The following SCAPER variants were observed in gnomAD, a reference collection of about 807,000 sequenced individuals.
The protein encoded by SCAPER is S-phase cyclin A associated protein in the ER.
In SCAPER, 98 loss-of-function variants were observed where a neutral mutation model predicts 182.2. The observed-to-expected ratio is 0.54, with a 90% CI of 0.46 to 0.64. The LOEUF (loss-of-function observed/expected upper bound fraction) is 0.64. Among genes scored for constraint, SCAPER ranks in the 30% least tolerant of loss-of-function variants. The pLI, the probability that SCAPER is intolerant of heterozygous loss-of-function variation, is 0.00. For synonymous variants in SCAPER, 605 were observed against 564.6 expected (o/e 1.07, Z -1.01); for missense variants, 1,432 against 1,690.0 (o/e 0.85, Z 2.68).
intron 23 of SCAPER, among the ~76,000 whole-genome samples, chr15:76,565,585 T>A (rs2046979089): frequency 1.3e-5 from 2 of 152,158 alleles, no homozygotes; most frequent in Middle Eastern, 6.3e-3. Flanking sequence ...TTTGATGACG[T>A]CTGACTACTG....
intron 23 of SCAPER, among the ~76,000 whole-genome samples, chr15:76,554,431 T>C (rs1242608205): frequency 6.6e-6 from 1 of 152,138 alleles, no homozygotes. Context: ...CCATGAAAAT[T>C]TCCCCAAACT....
intron 20 of SCAPER, among the ~76,000 whole-genome samples, chr15:76,670,569 T>C (rs907503722): frequency 6.6e-6 from 1 of 152,204 alleles, no homozygotes; most frequent in African/African-American, 2.4e-5. Flanking sequence ...CCACAGATTA[T>C]ACATATTTTT....
At position 76,594,165 on chromosome 15, in the gene SCAPER, A is replaced by G. The variant is rs1157979538; in HGVS notation, c.2712-19881T>C. Among the ~76,000 whole-genome samples, 2 of 119,582 alleles carry G rather than the reference A, an allele frequency of 1.7e-5. 1 individual carries two copies. The highest frequency in any genetic ancestry group is 4.0e-5 in the Non-Finnish European group (2 of 49,682). 78.5% of individuals were successfully genotyped at this position (119,582 alleles called of 152,430 possible). A position where few individuals can be genotyped will look rare whatever the true frequency, so the allele number is the denominator to read the frequency against. ...ATGGAGCTGAAAAACACAACACGAG[A>G]ACTTCGTGAAGCATACACAAGGATC... On this transcript the variant is annotated intron_variant, in intron 22 of 31. Coordinates refer to ENST00000563290, the MANE Select transcript of SCAPER (RefSeq NM_020843.4).
chr15:76,877,652 G>A lies in SCAPER; in HGVS notation c.6+6160C>T, dbSNP rs1005059232. ...ATATTCTGCCTAAAATGCAAAACCTGAATCTAATCATGATGAAACATCACC... is the reference window on the plus strand; with the variant it reads ...ATATTCTGCCTAAAATGCAAAACCTAAATCTAATCATGATGAAACATCACC... On this transcript the variant is annotated intron_variant, in intron 2 of 31. Transcript: ENST00000563290. Among the ~76,000 whole-genome samples the A allele has an allele frequency of 4.6e-4, 70 of 152,116 alleles. 2 individuals are homozygous for A. The highest frequency in any genetic ancestry group is 3.2e-3 in the Middle Eastern group (1 of 316).
chr15:76,802,418 A>T (rs1419723191), intron 6 of SCAPER, among the ~76,000 whole-genome samples: 1 of 152,220 alleles, frequency 6.6e-6, no homozygotes, highest in Non-Finnish European at 1.5e-5. Flanking sequence ...GGTTCAACCC[A>T]GTGAAAGAAT....
At position 76,733,359 on chromosome 15, in the gene SCAPER, G is replaced by A; in HGVS notation, c.1892C>T (p.Thr631Ile). The part of the protein sequence containing the change: ...AKVNEIAFIN[T>I]LEAQNKRHDV... Reference sequence around the variant, plus strand: ...ATGACGTTTATTCTGGGCTTCAAGGGTATTTATAAAGGCAATTTCATTTAC... The same window carrying A: ...ATGACGTTTATTCTGGGCTTCAAGGATATTTATAAAGGCAATTTCATTTAC... The change falls in exon 16 of 32, where the codon ACC (threonine) becomes ATC (isoleucine). Residue 631 changes from threonine (T) to isoleucine (I), a missense_variant. Thr to Ile is a moderately conservative substitution (Grantham distance 89). Transcript: ENST00000563290. 1 of 1,613,246 alleles carries A rather than the reference G, an allele frequency of 6.2e-7. No homozygotes were observed. Among genetic ancestry groups the A allele is most frequent in the Non-Finnish European group, 8.5e-7 (1 of 1,179,660 alleles).
intron 23 of SCAPER, among the ~76,000 whole-genome samples, chr15:76,517,155 G>C (rs598011): frequency 0.97 from 147,656 of 152,038 alleles, 71,830 homozygotes; most frequent in South Asian, 1. Flanking sequence ...TGACTTTTGG[G>C]ACCCTTATCT....
chr15:76,521,622 G>A (rs549053778), intron 23 of SCAPER, among the ~76,000 whole-genome samples: 169 of 152,066 alleles, frequency 1.1e-3, no homozygotes, highest in Non-Finnish European at 2.2e-3. Context: ...TATATAAAGC[G>A]TATACAAAGC....
chr15:76,645,704 A>G (rs1235164792), intron 21 of SCAPER, among the ~76,000 whole-genome samples: 1 of 152,172 alleles, frequency 6.6e-6, no homozygotes, highest in East Asian at 1.9e-4. Flanking sequence ...ATTTATATAC[A>G]TCATTTACTT....
chr15:76,593,407 A>G lies in SCAPER; in HGVS notation c.2712-19123T>C, dbSNP rs2049271980. The stretch of plus-strand genomic sequence containing the variant: ...CTGTGGGCACAGCTTCAGGAGACTT[A>G]AACATTCCAGCCTGCTGACTCTGAA... On this transcript the variant is annotated intron_variant, in intron 22 of 31. Transcript: ENST00000563290. Among the ~76,000 whole-genome samples, 3 of 121,126 alleles carry G rather than the reference A, an allele frequency of 2.5e-5. No homozygotes were observed. In the Admixed American group the frequency reaches 2.8e-4, roughly 11 times the overall value. The allele number at this position is 121,126 out of a possible 152,430, so 79.5% of individuals were successfully genotyped here. A position where few individuals can be genotyped will look rare whatever the true frequency, so the allele number is the denominator to read the frequency against.
chr15:76,765,491 T>C (rs201058923), intron 12 of SCAPER, 37 bp from the exon 13 acceptor site: 9 of 1,609,542 alleles, frequency 5.6e-6, no homozygotes, highest in South Asian at 4.4e-5. Context: ...TTTAGCCACA[T>C]AGGTCTATAA....
rs546996436 is a variant in SCAPER, at chr15:76,600,069, A to G, written c.2711+21695T>C. On this transcript the variant is annotated intron_variant, in intron 22 of 31. Transcript: ENST00000563290. ...AATGGATAAAGGGATGGAAAGATGAATAAATGTGATTAAGTATAGTAAATA... is the reference window on the plus strand; with the variant it reads ...AATGGATAAAGGGATGGAAAGATGAGTAAATGTGATTAAGTATAGTAAATA... Among the ~76,000 whole-genome samples the G allele has an allele frequency of 6.2e-4, 75 of 121,592 alleles. 9 individuals carry two copies. The highest frequency in any genetic ancestry group is 1.8e-3 in the African/African-American group (73 of 39,908). The allele number at this position is 121,592 out of a possible 152,430, so 79.8% of individuals were successfully genotyped here. A position where few individuals can be genotyped will look rare whatever the true frequency, so the allele number is the denominator to read the frequency against.
chr15:76,398,880 C>T (rs1481046621), intron 27 of SCAPER, among the ~76,000 whole-genome samples: 1 of 152,106 alleles, frequency 6.6e-6, no homozygotes, highest in Non-Finnish European at 1.5e-5. Flanking sequence ...GCTTTGTTGC[C>T]ATAGTGCCTA....
At chr15:76,834,456 C>T (rs903972362) in intron 5 of SCAPER, among the ~76,000 whole-genome samples, 1 of 151,974 alleles carries the variant, frequency 6.6e-6, no homozygotes, top group Non-Finnish European at 1.5e-5. Flanking sequence ...AAAAAACACA[C>T]GGGCAAACCA....
intron 23 of SCAPER, among the ~76,000 whole-genome samples, chr15:76,519,286 T>C (rs1016700617): frequency 3.9e-5 from 6 of 152,124 alleles, no homozygotes; most frequent in Non-Finnish European, 1.5e-5. Context: ...CAAGTGATCA[T>C]ATAGAAAATA....
intron 17 of SCAPER, among the ~76,000 whole-genome samples, chr15:76,722,389 T>C (rs1027070898): frequency 2.6e-5 from 4 of 152,204 alleles, no homozygotes; most frequent in Admixed American, 6.5e-5. Context: ...TAAAATTCTC[T>C]TTTTTGGTTG....
rs536951269 is a variant in SCAPER, at chr15:76,816,932, G to A, written c.394-12299C>T. Among the ~76,000 whole-genome samples the A allele has an allele frequency of 1.4e-4, 21 of 152,240 alleles. No homozygotes were observed. The South Asian group carries it at 3.5e-3, about 26-fold the overall frequency. On this transcript the variant is annotated intron_variant, in intron 5 of 31. Coordinates refer to ENST00000563290, the MANE Select transcript of SCAPER (RefSeq NM_020843.4). ...CTCCCAAAGTGCTGGGATTACAGGC[G>A]TGAGCCACCGTGCCTGGCTGCCAGT... is the stretch of plus-strand genomic sequence containing the variant.
chr15:76,721,847 A>G (rs556144568), intron 17 of SCAPER, among the ~76,000 whole-genome samples: 1 of 152,310 alleles, frequency 6.6e-6, no homozygotes, highest in East Asian at 1.9e-4. Context: ...GGGGTTTTCT[A>G]GATATACAAT....
In SCAPER at chr15:76,650,175, C is replaced by A. The variant is rs150498172; in HGVS notation, c.2645+15478G>T. Among the ~76,000 whole-genome samples the A allele has an allele frequency of 1.6e-3, 236 of 151,902 alleles. 3 individuals carry two copies. In the East Asian group the frequency reaches 0.034, roughly 22 times the overall value. On this transcript the variant is annotated intron_variant, in intron 21 of 31. Transcript: ENST00000563290. ...AGATACATATTTGAAACTGAGCAAA[C>A]ACTAAAAATAAAAAGTGGTAGAGCT...
Sources: allele counts gnomAD v4.1 joint callset (sites outside exome capture counted in the v4.1 genomes callset), GRCh38; gene constraint gnomAD v4.1.1; transcripts MANE v1.5; gene names NCBI Gene and HGNC (gene_info 2026-07-23, HGNC 2026-07-21).